ADD1: variants seen among roughly 807,000 people sequenced by gnomAD.
The protein encoded by ADD1 is alpha-adducin.
Under a neutral mutation model 80.5 loss-of-function variants are expected in ADD1, and 24 were observed. That is an observed-to-expected ratio of 0.30 (90% CI 0.22 to 0.42). The LOEUF (loss-of-function observed/expected upper bound fraction) is 0.42. Ranked by LOEUF, ADD1 falls within the 10% of genes least tolerant of loss-of-function variation. The pLI, the probability that ADD1 is intolerant of heterozygous loss-of-function variation, is 1.00. For synonymous variants in ADD1, 373 were observed against 393.8 expected, an observed-to-expected ratio of 0.95 and a Z score of 0.63; for missense variants, 948 against 1,019.0, an observed-to-expected ratio of 0.93 and a Z score of 0.95.
At chr4:2,909,048 A>T in intron 12 of ADD1, 1 of 492,502 alleles carries the variant, frequency 2.0e-6, no homozygotes, top group Non-Finnish European at 3.7e-6. Flanking sequence ...CTACAAAATG[A>T]CTCTACCTTG....
At chr4:2,887,340 T>C (rs1465931369) in intron 4 of ADD1, among the ~76,000 whole-genome samples, 2 of 152,020 alleles carry the variant, frequency 1.3e-5, no homozygotes, top group African/African-American at 2.4e-5. Context: ...AAGGGGGTCA[T>C]AGGGATTTTC....
At chr4:2,870,906 G>C (rs2064985246) in intron 1 of ADD1, among the ~76,000 whole-genome samples, 1 of 151,176 alleles carries the variant, frequency 6.6e-6, no homozygotes, top group Admixed American at 6.6e-5. Context: ...TTTGTGAATT[G>C]ACTGTAGACA....
chr4:2,845,484 T>G (rs1477428672), intron 1 of ADD1, among the ~76,000 whole-genome samples: 1 of 152,202 alleles, frequency 6.6e-6, no homozygotes, highest in Non-Finnish European at 1.5e-5. Context: ...TTTTCAGAGT[T>G]TCGATGTGGT....
chr4:2,900,460 A>G (rs1041682292), intron 9 of ADD1: 32 of 152,340 alleles, frequency 2.1e-4, no homozygotes, highest in African/African-American at 7.7e-4. Context: ...GTGGGGAAAG[A>G]AGGCCTCAGA....
intron 4 of ADD1, among the ~76,000 whole-genome samples, chr4:2,892,774 C>T (rs1734518478): frequency 6.6e-6 from 1 of 150,936 alleles, no homozygotes; most frequent in African/African-American, 2.4e-5. Flanking sequence ...GTTGAGGCTG[C>T]AGTGAGCATG....
chr4:2,856,548 T>C (rs554415735), intron 1 of ADD1, among the ~76,000 whole-genome samples: 2 of 152,102 alleles, frequency 1.3e-5, no homozygotes, highest in Admixed American at 6.5e-5. Flanking sequence ...CCCTATTTAT[T>C]ATTTCTGCAT....
intron 14 of ADD1, among the ~76,000 whole-genome samples, chr4:2,922,716 G>T (rs1317320004): frequency 1.3e-5 from 2 of 152,240 alleles, no homozygotes; most frequent in Non-Finnish European, 2.9e-5. Flanking sequence ...AGTAACTTCA[G>T]TCTGCTGAAG....
In ADD1 at chr4:2,894,661, A is replaced by G; in HGVS notation, c.671A>G (p.His224Arg). Residue 224 changes from histidine to arginine, a missense_variant, in exon 6 of 16, where the codon CAC becomes CGC. Transcript: ENST00000683351. ...LGVNQAGFTL[H>R]SAIYAARPDV... ...GTGAATCAGGCCGGCTTCACCTTAC[A>G]CTCTGCAATTTATGCTGCACGCCCG... 6.2e-7 allele frequency: 1 copy of G among 1,609,062 alleles called. No individual in the cohort carries two copies. Among genetic ancestry groups the G allele is most frequent in the African/African-American group, 1.3e-5 (1 of 74,532 alleles).
At chr4:2,917,105 G>T (rs533815636) in intron 14 of ADD1, among the ~76,000 whole-genome samples, 3 of 152,178 alleles carry the variant, frequency 2.0e-5, no homozygotes, top group African/African-American at 7.2e-5. Flanking sequence ...TTGAGGAATC[G>T]CCACACTGCC....
intron 13 of ADD1, among the ~76,000 whole-genome samples, chr4:2,914,144 C>T (rs562930252): frequency 2.0e-5 from 3 of 152,198 alleles, no homozygotes; most frequent in Admixed American, 6.5e-5. Context: ...GTGGGCACAG[C>T]GCTGTGCTGG....
intron 1 of ADD1, among the ~76,000 whole-genome samples, chr4:2,863,952 C>A (rs1350598838): frequency 6.6e-6 from 1 of 152,168 alleles, no homozygotes; most frequent in Non-Finnish European, 1.5e-5. Flanking sequence ...TGAACAGAAT[C>A]ATTTTGGAGT....
At chr4:2,874,575 C>A (rs1577506160) in intron 1 of ADD1, among the ~76,000 whole-genome samples, 1 of 150,192 alleles carries the variant, frequency 6.7e-6, no homozygotes, top group East Asian at 1.9e-4. Context: ...CCACTGCACT[C>A]CAGAATGAGC....
intron 13 of ADD1, among the ~76,000 whole-genome samples, chr4:2,911,017 G>C (rs1016353357): frequency 2.6e-5 from 4 of 152,112 alleles, no homozygotes; most frequent in African/African-American, 9.7e-5. Context: ...GGCTCCATGG[G>C]AGTCCTTTAC....
At chr4:2,905,205 G>GTT in intron 10 of ADD1, 97 bp downstream of exon 10, 1 of 1,165,224 alleles carries the variant, frequency 8.6e-7, no homozygotes, top group South Asian at 1.4e-5. Flanking sequence ...TCTGACCCAG[G>GTT]TGTAAAGCGA....
At chr4:2,897,059 T>G (rs760704846) in intron 6 of ADD1, among the ~76,000 whole-genome samples, 1 of 152,198 alleles carries the variant, frequency 6.6e-6, no homozygotes, top group Non-Finnish European at 1.5e-5. Flanking sequence ...GTGCCCAGCC[T>G]CTTTTTAAAA....
chr4:2,902,595 T>TGGA (rs1167146482), intron 9 of ADD1: 2 of 151,682 alleles, frequency 1.3e-5, no homozygotes, highest in Non-Finnish European at 2.9e-5. Flanking sequence ...CCAGGTGTGG[T>TGGA]GGAGGGTGCC....
intron 10 of ADD1, chr4:2,905,573 G>C (rs1736909991): frequency 5.7e-6 from 1 of 176,676 alleles, no homozygotes; most frequent in South Asian, 1.2e-4. Flanking sequence ...TCCCTGGCGT[G>C]TTCTCTGCTG....
At chr4:2,914,046 G>A (rs1253323723) in intron 13 of ADD1, among the ~76,000 whole-genome samples, 2 of 144,588 alleles carry the variant, frequency 1.4e-5, no homozygotes, top group East Asian at 2.2e-4. Flanking sequence ...GTGACAGTGC[G>A]AGACTCCGTC....
At position 2,848,635 on chromosome 4, in the gene ADD1, A is replaced by AC. The variant is rs1726617179; in HGVS notation, c.-21+4611_-21+4612insC. On this transcript the variant is annotated intron_variant, in intron 1 of 15. Coordinates refer to ENST00000683351, the MANE Select transcript of ADD1 (RefSeq NM_001354761.2). ...AGGTTCATGCCAACAGGCTTGGCTAATTTTTTTTTTTTTTTGAGATAAGGT... is the reference window on the plus strand; with the variant it reads ...AGGTTCATGCCAACAGGCTTGGCTAACTTTTTTTTTTTTTTTGAGATAAGGT... 4.9e-5 allele frequency among the ~76,000 whole-genome samples: 7 copies of AC among 142,200 alleles called. No homozygotes were observed. The Admixed American group carries it at 4.9e-4, about 10-fold the overall frequency. 93.3% of individuals were successfully genotyped at this position (142,200 alleles called of 152,430 possible). A position where few individuals can be genotyped will look rare whatever the true frequency, so the allele number is the denominator to read the frequency against.
Sources: gnomAD v4.1 joint callset for allele counts (sites outside exome capture counted in the v4.1 genomes callset) on GRCh38, gnomAD v4.1.1 for gene constraint, MANE v1.5 for transcripts, NCBI Gene and HGNC (gene_info 2026-07-23, HGNC 2026-07-21) for gene names.